TKT: variants seen among roughly 807,000 people sequenced by gnomAD.
TKT encodes transketolase.
Under a neutral mutation model 63.9 loss-of-function variants are expected in TKT, and 47 were observed. That is an observed-to-expected ratio of 0.74 (90% CI 0.58 to 0.94). The LOEUF (loss-of-function observed/expected upper bound fraction) is 0.94, where lower values mean the gene tolerates loss of function less well. Among genes scored for constraint, TKT ranks in the 40% least tolerant of loss-of-function variants. The probability of loss-of-function intolerance (pLI) is 0.00; values close to 1 mark genes in which losing one functional copy is unlikely to be tolerated. For missense variants in TKT, 721 were observed against 846.2 expected (o/e 0.85, Z 1.84); for synonymous variants, 338 against 334.1 (o/e 1.01, Z -0.13).
At chr3:53,250,522 T>C (rs1705699065) in intron 1 of TKT, among the ~76,000 whole-genome samples, 1 of 152,116 alleles carries the variant, frequency 6.6e-6, no homozygotes, top group Admixed American at 6.5e-5. Flanking sequence ...GTAATCCCAG[T>C]ACTCTAGGGA....
Position 53,230,689 on chromosome 3 carries a change from C to T in TKT, c.943-68G>A, listed in dbSNP as rs1214521623. On this transcript the variant is annotated intron_variant, in intron 7 of 13. Transcript: ENST00000462138. ...TGAGTGCACACCTGCAGCCTGGAGCCCTGCTTTCAGAGAAGGATTAAAACG... is the reference window on the plus strand; with the variant it reads ...TGAGTGCACACCTGCAGCCTGGAGCTCTGCTTTCAGAGAAGGATTAAAACG... 5.1e-6 allele frequency: 8 copies of T among 1,577,326 alleles called. No homozygotes were observed. The African/African-American group carries it at 5.4e-5, about 11-fold the overall frequency.
Position 53,229,134 on chromosome 3 carries a change from T to TC in TKT, c.1267dup (p.Glu423GlyfsTer28), listed in dbSNP as rs782610487. On this transcript the variant is annotated frameshift_variant, in exon 10 of 14. Transcript: ENST00000462138. LOFTEE classifies it high-confidence loss of function. ...TAGGGCCATCTGGGAGGGCCCGTCT[T>TC]CCCCTGGGGTGTGGGGGAAAGGATA... 1 of 1,614,114 alleles carries TC rather than the reference T, an allele frequency of 6.2e-7. No individual in the cohort carries two copies. The highest frequency in any genetic ancestry group is 2.2e-5 in the East Asian group (1 of 44,868).
chr3:53,226,506 G>A (rs536855332), intron 13 of TKT: 13 of 505,534 alleles, frequency 2.6e-5, no homozygotes, highest in Admixed American at 2.5e-4. Context: ...ATTTAGCAGC[G>A]AGGTTGGAAT....
intron 12 of TKT, chr3:53,227,713 G>A (rs1044036705): frequency 4.1e-6 from 1 of 245,486 alleles, no homozygotes; most frequent in Non-Finnish European, 8.1e-6. Context: ...AACAGGCATG[G>A]TGACAGTGAA....
chr3:53,250,792 GTTTTTT>G (rs1302619894), intron 1 of TKT, among the ~76,000 whole-genome samples: 1 of 151,894 alleles, frequency 6.6e-6, no homozygotes, highest in East Asian at 1.9e-4. Flanking sequence ...GTTTTGTTTT[GTTTTTT>G]TAAGAGCCAG....
In TKT at chr3:53,229,022, T is replaced by G; in HGVS notation, c.1380A>C (p.Leu460=). Reference sequence around the variant, plus strand: ...TGCAACCTACCTTTGTATTGGCGGCTAGTTCCACTGCCTTCTCTGTAGCAA... The same window carrying G: ...TGCAACCTACCTTTGTATTGGCGGCGAGTTCCACTGCCTTCTCTGTAGCAA... ...DGVATEKAVE[L]AANTKGICFI... Residue 460 remains leucine (L), a synonymous_variant, in exon 10 of 14, where the codon CTA becomes CTC. Coordinates refer to ENST00000462138, the MANE Select transcript of TKT (RefSeq NM_001064.4). 1.2e-6 allele frequency: 2 copies of G among 1,614,136 alleles called. No individual in the cohort carries two copies. Among genetic ancestry groups the G allele is most frequent in the Non-Finnish European group, 1.7e-6 (2 of 1,180,014 alleles).
intron 1 of TKT, among the ~76,000 whole-genome samples, chr3:53,244,885 CAA>C (rs11297416): frequency 0.24 from 28,581 of 117,308 alleles, 3,266 homozygotes; most frequent in Non-Finnish European, 0.31. Flanking sequence ...CTTGACTGTT[CAA>C]AAAAAAAAAA....
chr3:53,235,228 CCCA>C, intron 4 of TKT, 54 bp from the exon 5 acceptor site: 1 of 1,273,470 alleles, frequency 7.9e-7, no homozygotes, highest in Non-Finnish European at 1.0e-6. Flanking sequence ...CCAGCTGGCT[CCCA>C]CCCCCCCACC....
In TKT at chr3:53,235,179, G is replaced by A. The variant is rs1033253219; in HGVS notation, c.438-5C>T. The A allele has an allele frequency of 6.8e-6, 11 of 1,605,930 alleles. No homozygotes were observed. Among genetic ancestry groups the A allele is most frequent in the Non-Finnish European group, 8.5e-6 (10 of 1,175,182 alleles). ...AGCAAGCAATAGACTCGGTAGCTGT[G>A]GACAGAGAGTGAATCAGGCCAGTCC... is the stretch of plus-strand genomic sequence containing the variant. On this transcript the variant is annotated splice_region_variant and splice_polypyrimidine_tract_variant and intron_variant, in intron 4 of 13. Transcript: ENST00000462138.
chr3:53,228,894 G>A (rs565827261), intron 10 of TKT, 113 bp downstream of exon 10: 2 of 1,448,774 alleles, frequency 1.4e-6, no homozygotes, highest in South Asian at 2.7e-5. Flanking sequence ...AACACCAGGG[G>A]CAAGGTCAGG....
intron 7 of TKT, 41 bp downstream of exon 7, chr3:53,231,316 C>A: frequency 6.2e-7 from 1 of 1,603,696 alleles, no homozygotes; most frequent in Non-Finnish European, 8.5e-7. Flanking sequence ...CTTGGGAAAC[C>A]TGAGAACTAT....
chr3:53,225,980 G>C (rs3816767), intron 13 of TKT, 49 bp from the exon 14 acceptor site: 53 of 1,559,832 alleles, frequency 3.4e-5, no homozygotes, highest in Non-Finnish European at 4.2e-5. Flanking sequence ...AGGGTGAGCA[G>C]TGGTGGGCCC....
chr3:53,241,304 T>A, intron 2 of TKT, 59 bp from the exon 3 acceptor site: 6 of 1,474,088 alleles, frequency 4.1e-6, no homozygotes, highest in Non-Finnish European at 5.5e-6. Flanking sequence ...CTTCGGGCTG[T>A]GCCTACTTCA....
rs1704579493 is a variant in TKT, at chr3:53,228,135, G to C, written c.1494C>G (p.Ser498Arg). The C allele has an allele frequency of 6.2e-7, 1 of 1,613,924 alleles. No individual in the cohort carries two copies. The highest frequency in any genetic ancestry group is 1.3e-5 in the African/African-American group (1 of 74,924). The change falls in exon 12 of 14, where the codon AGC (serine) becomes AGG (arginine). Residue 498 changes from serine to arginine, a missense_variant. Coordinates refer to ENST00000462138, the MANE Select transcript of TKT (RefSeq NM_001064.4). ...CGATAACGGTCACCTGGTCATCCTT[G>C]CTCTTCAGGACCACCTGGGGGTGAC... ...QVGQAKVVLKSKDDQVTVIGA... is the reference protein window; with the variant it reads ...QVGQAKVVLKRKDDQVTVIGA...
At chr3:53,242,352 G>A (rs935122283) in intron 1 of TKT, 110 bp from the exon 2 acceptor site, 46 of 1,057,300 alleles carry the variant, frequency 4.4e-5, no homozygotes, top group Middle Eastern at 2.2e-4. Context: ...AGTCACACAG[G>A]CCTGGCTTAT....
intron 8 of TKT, 81 bp downstream of exon 8, chr3:53,230,376 T>C: frequency 1.3e-6 from 2 of 1,580,392 alleles, no homozygotes; most frequent in Non-Finnish European, 1.7e-6. Context: ...CACCTGGCTC[T>C]GCCAACATGG....
At chr3:53,241,320 AC>A in intron 2 of TKT, 75 bp from the exon 3 acceptor site, 5 of 1,332,618 alleles carry the variant, frequency 3.8e-6, no homozygotes, top group East Asian at 2.8e-5. Flanking sequence ...CTTCACACTG[AC>A]CCCTGGGGCC....
At chr3:53,228,174 AAGGCTCAGGGCCCTGGGGC>A in intron 11 of TKT, 25 bp from the exon 12 acceptor site, 1 of 1,613,840 alleles carries the variant, frequency 6.2e-7, no homozygotes, top group Non-Finnish European at 8.5e-7. Flanking sequence ...GAGGGTGAGT[AAGGCTCAGGGCCCTGGGGC>A]AGGGTGTGCC....
chr3:53,232,890 C>T, intron 6 of TKT: 1 of 456,594 alleles, frequency 2.2e-6, no homozygotes, highest in Non-Finnish European at 3.9e-6. Context: ...ACTCCACGAC[C>T]TTCCTCTCAC....
Sources: gnomAD v4.1 joint callset for allele counts (sites outside exome capture counted in the v4.1 genomes callset) on GRCh38, gnomAD v4.1.1 for gene constraint, MANE v1.5 for transcripts, NCBI Gene and HGNC (gene_info 2026-07-23, HGNC 2026-07-21) for gene names.